Variants in ARSF observed in about 807,000 individuals in gnomAD.
ARSF encodes the protein arylsulfatase F.
ARSF carries 33 observed loss-of-function variants against 35.4 expected under a neutral mutation model. The observed-to-expected ratio is 0.93, with a 90% CI of 0.71 to 1.25. The LOEUF is 1.25. Among genes scored for constraint, ARSF ranks in the 50% most tolerant of loss-of-function variants. ARSF has a pLI of 0.00. For missense variants in ARSF, 501 were observed against 480.2 expected (o/e 1.04, Z -0.40); for synonymous variants, 222 against 193.1 (o/e 1.15, Z -1.24).
chrX:3,094,985 TTCAGTTGA>T (rs2090329553), intron 7 of ARSF, among the ~76,000 whole-genome samples: 1 of 108,654 alleles, frequency 9.2e-6, no homozygotes, highest in Non-Finnish European at 1.9e-5. Flanking sequence ...ATTTATTTAT[TTCAGTTGA>T]TGTTAGAAAG....
intron 1 of ARSF, among the ~76,000 whole-genome samples, chrX:3,048,329 C>T (rs957546237): frequency 1.8e-5 from 2 of 112,459 alleles, no homozygotes; most frequent in Non-Finnish European, 3.7e-5. Flanking sequence ...TACATACCCC[C>T]CTCACAATTT....
chrX:3,049,411 A>G (rs1370793893), intron 1 of ARSF, among the ~76,000 whole-genome samples: 1 of 111,790 alleles, frequency 8.9e-6, no homozygotes, highest in Non-Finnish European at 1.9e-5. Context: ...TGCGTAAACA[A>G]TAGGGCAGGG....
At chrX:3,103,652 C>T in intron 8 of ARSF, 110 bp from the exon 9 acceptor site, 1 of 913,889 alleles carries the variant, frequency 1.1e-6, no homozygotes, top group Non-Finnish European at 1.5e-6. Context: ...ATAGAGTAGA[C>T]ACTATACAAA....
At chrX:3,068,018 T>C in intron 1 of ARSF, 55 bp from the exon 2 acceptor site, 1 of 870,970 alleles carries the variant, frequency 1.1e-6, no homozygotes, top group Non-Finnish European at 1.6e-6. Context: ...ACATGAATGA[T>C]ACTTTTTTTT....
chrX:3,103,562 T>G (rs1307975668), intron 8 of ARSF, among the ~76,000 whole-genome samples, 200 bp from the exon 9 acceptor site: 2 of 111,849 alleles, frequency 1.8e-5, no homozygotes, highest in African/African-American at 3.2e-5. Flanking sequence ...ATATGCTTAG[T>G]TATTTAATCA....
At chrX:3,077,789 TTTATTA>T (rs760984034) in intron 4 of ARSF, among the ~76,000 whole-genome samples, 13 of 92,223 alleles carry the variant, frequency 1.4e-4, no homozygotes, top group African/African-American at 2.4e-4. Flanking sequence ...TTTTATTTTA[TTTATTA>T]TTATTATTAT....
At chrX:3,092,555 C>A (rs73193041) in intron 7 of ARSF, among the ~76,000 whole-genome samples, 1 of 111,568 alleles carries the variant, frequency 9.0e-6, no homozygotes, top group Non-Finnish European at 1.9e-5. Context: ...ATTACGCAAA[C>A]GGATGGGTGT....
At chrX:3,065,000 A>G (rs1390785581) in intron 1 of ARSF, among the ~76,000 whole-genome samples, 1 of 110,853 alleles carries the variant, frequency 9.0e-6, no homozygotes, top group Non-Finnish European at 1.9e-5. Context: ...AGACATATGC[A>G]CACTATTCAC....
intron 6 of ARSF, among the ~76,000 whole-genome samples, chrX:3,087,985 A>G (rs1569142748): frequency 8.9e-6 from 1 of 111,858 alleles, no homozygotes; most frequent in Non-Finnish European, 1.9e-5. Flanking sequence ...TTTAAAATTC[A>G]TTTTTTTTAT....
intron 1 of ARSF, among the ~76,000 whole-genome samples, chrX:3,059,041 G>A (rs1012834617): frequency 1.8e-5 from 2 of 112,116 alleles, no homozygotes; most frequent in African/African-American, 6.5e-5. Flanking sequence ...TGGAAGCTGG[G>A]AGGAGAGGAA....
chrX:3,105,156 T>A (rs1456711471), intron 9 of ARSF, among the ~76,000 whole-genome samples: 1 of 112,110 alleles, frequency 8.9e-6, no homozygotes, highest in Admixed American at 9.5e-5. Context: ...ACAAAGCTAA[T>A]CTATTTCTGA....
chrX:3,050,698 C>G (rs1297623296), intron 1 of ARSF, among the ~76,000 whole-genome samples: 3 of 111,042 alleles, frequency 2.7e-5, no homozygotes, highest in Non-Finnish European at 5.7e-5. Flanking sequence ...TCTTGTGTCC[C>G]TTCTCCGCTG....
intron 6 of ARSF, among the ~76,000 whole-genome samples, chrX:3,087,267 T>C (rs2090255098): frequency 8.9e-6 from 1 of 112,241 alleles, no homozygotes; most frequent in South Asian, 3.7e-4. Flanking sequence ...CTCTTTATTT[T>C]GGCAGCTTAG....
At chrX:3,102,742 T>C (rs1371605167) in intron 8 of ARSF, among the ~76,000 whole-genome samples, 1 of 110,859 alleles carries the variant, frequency 9.0e-6, no homozygotes, top group Non-Finnish European at 1.9e-5. Context: ...TGAAACTCCA[T>C]CTCTACTAAA....
At chrX:3,105,216 G>T (rs962476114) in intron 9 of ARSF, among the ~76,000 whole-genome samples, 1 of 112,168 alleles carries the variant, frequency 8.9e-6, no homozygotes, top group Non-Finnish European at 1.9e-5. Flanking sequence ...TATTTTAGAA[G>T]TCATGGTTAA....
intron 6 of ARSF, among the ~76,000 whole-genome samples, chrX:3,088,296 G>A (rs781212163): frequency 1.8e-5 from 2 of 111,480 alleles, no homozygotes; most frequent in African/African-American, 6.5e-5. Flanking sequence ...GAGGCTTCAC[G>A]AGCAGTGAGA....
At chrX:3,064,484 G>A (rs1286482802) in intron 1 of ARSF, among the ~76,000 whole-genome samples, 1 of 111,670 alleles carries the variant, frequency 9.0e-6, no homozygotes, top group Non-Finnish European at 1.9e-5. Flanking sequence ...CTTCTGCACA[G>A]CAAAAGAAAC....
At chrX:3,080,837 T>C in intron 4 of ARSF, 54 bp from the exon 5 acceptor site, 2 of 1,192,970 alleles carry the variant, frequency 1.7e-6, no homozygotes, top group Non-Finnish European at 2.3e-6. Context: ...GTGACAAAAA[T>C]ATTCCCTCTG....
At chrX:3,065,874 G>A (rs753730257) in intron 1 of ARSF, among the ~76,000 whole-genome samples, 25 of 110,656 alleles carry the variant, frequency 2.3e-4, no homozygotes, top group Non-Finnish European at 4.7e-4. Context: ...CGAGATGGGA[G>A]GATTGCTTGA....
Sources: gnomAD v4.1 joint callset for allele counts (sites outside exome capture counted in the v4.1 genomes callset) on GRCh38, gnomAD v4.1.1 for gene constraint, MANE v1.5 for transcripts, NCBI Gene and HGNC (gene_info 2026-07-23, HGNC 2026-07-21) for gene names.